Variants in TAFA5 observed in about 807,000 individuals in gnomAD.
TAFA5 encodes the protein TAFA chemokine like family member 5, also known as chemokine-like protein TAFA-5.
Under a neutral mutation model 15.3 loss-of-function variants are expected in TAFA5, and 6 were observed. The observed-to-expected ratio is 0.39, with a 90% confidence interval of 0.21 to 0.77. TAFA5 has a LOEUF of 0.77. Ranked by LOEUF, TAFA5 falls within the 30% of genes least tolerant of loss-of-function variation. The pLI is 0.41. For synonymous variants in TAFA5, 103 were observed against 80.7 expected (o/e 1.28, Z -1.48); for missense variants, 161 against 193.1 (o/e 0.83, Z 0.98).
intron 3 of TAFA5, among the ~76,000 whole-genome samples, chr22:48,715,420 C>A (rs560786386): frequency 6.6e-6 from 1 of 151,722 alleles, no homozygotes; most frequent in South Asian, 2.1e-4. Flanking sequence ...TCAGAGACAG[C>A]GGACATGCAT....
At position 48,751,374 on chromosome 22, in the gene TAFA5, T is replaced by G. The variant is rs1010609912; in HGVS notation, c.*1527T>G. The stretch of plus-strand genomic sequence containing the variant: ...CCGAGGAATAAGCGACAATTCTGGT[T>G]TTTCTCCCCTGGCCGTCGTTCGCCA... On this transcript the variant is annotated 3_prime_UTR_variant, in exon 4 of 4. Transcript: ENST00000402357. 1.3e-5 allele frequency: 2 copies of G among 152,582 alleles called. No individual in the cohort carries two copies. Among genetic ancestry groups the G allele is most frequent in the East Asian group, 3.9e-4 (2 of 5,182 alleles). The allele number at this position is 152,582 out of a possible 1,614,324, so 9.5% of individuals were successfully genotyped here.
At chr22:48,639,410 C>T (rs1171920789) in intron 1 of TAFA5, among the ~76,000 whole-genome samples, 1 of 152,236 alleles carries the variant, frequency 6.6e-6, no homozygotes, top group Non-Finnish European at 1.5e-5. Context: ...TTCATCCTGT[C>T]ATCCGTCACA....
intron 1 of TAFA5, among the ~76,000 whole-genome samples, chr22:48,629,468 C>T (rs1441790262): frequency 3.3e-5 from 5 of 152,248 alleles, no homozygotes; most frequent in Admixed American, 6.5e-5. Context: ...CCCCAACCCT[C>T]GCTGCTGCTG....
rs148316258 is a variant in TAFA5 at position 48,667,755 on chromosome 22, G to A, written c.262+21009G>A. 1.2e-3 allele frequency among the ~76,000 whole-genome samples: 170 copies of A among 139,554 alleles called. 19 individuals carry two copies. Among genetic ancestry groups the A allele is most frequent in the African/African-American group, 4.3e-3 (150 of 34,678 alleles). 91.6% of individuals were successfully genotyped at this position (139,554 alleles called of 152,430 possible). On this transcript the variant is annotated intron_variant, in intron 2 of 3. Transcript: ENST00000402357. ...GAGCGTTAATCCCCCAGCACTCAGG[G>A]CCGCGTCTTCACTGGGAGCTGTAAT...
At chr22:48,622,755 C>T (rs1925885659) in intron 1 of TAFA5, among the ~76,000 whole-genome samples, 3 of 152,258 alleles carry the variant, frequency 2.0e-5, no homozygotes, top group Admixed American at 2.0e-4. Context: ...GCTGCAGGCT[C>T]AGCTTGTGTG....
intron 2 of TAFA5, among the ~76,000 whole-genome samples, chr22:48,679,632 C>T (rs1259519578): frequency 1.2e-5 from 1 of 83,644 alleles, no homozygotes; most frequent in Admixed American, 1.2e-4. Context: ...TCTCCCGGCT[C>T]CCCGTCCATC....
chr22:48,739,481 G>A (rs1245873780), intron 3 of TAFA5, among the ~76,000 whole-genome samples: 1 of 152,130 alleles, frequency 6.6e-6, no homozygotes, highest in Non-Finnish European at 1.5e-5. Flanking sequence ...CATAGCGAAT[G>A]CCTGTGCACA....
intron 1 of TAFA5, among the ~76,000 whole-genome samples, chr22:48,512,884 C>T (rs910804562): frequency 6.8e-6 from 1 of 146,180 alleles, no homozygotes; most frequent in African/African-American, 2.5e-5. Flanking sequence ...GATTGTGCCA[C>T]TGCAGTCCAG....
chr22:48,610,747 C>T (rs1333176859), intron 1 of TAFA5, among the ~76,000 whole-genome samples: 2 of 152,154 alleles, frequency 1.3e-5, no homozygotes, highest in Non-Finnish European at 2.9e-5. Context: ...CAGAGAATCT[C>T]CATTAGCAAG....
At chr22:48,636,399 C>G (rs148562564) in intron 1 of TAFA5, among the ~76,000 whole-genome samples, 3 of 152,322 alleles carry the variant, frequency 2.0e-5, no homozygotes, top group Admixed American at 2.0e-4. Flanking sequence ...TTCACTGTAA[C>G]TTAAATATTG....
intron 1 of TAFA5, among the ~76,000 whole-genome samples, chr22:48,498,425 TTAA>T (rs977880793): frequency 3.3e-5 from 5 of 152,046 alleles, no homozygotes; most frequent in African/African-American, 9.7e-5. Context: ...AACAGTTTGA[TTAA>T]TAATAATAAT....
chr22:48,689,234 C>G (rs1367334814), intron 2 of TAFA5, among the ~76,000 whole-genome samples: 1 of 152,096 alleles, frequency 6.6e-6, no homozygotes, highest in Non-Finnish European at 1.5e-5. Context: ...GTCTGCACGC[C>G]GTATGCAGCG....
At chr22:48,569,040 G>T (rs749095801) in intron 1 of TAFA5, among the ~76,000 whole-genome samples, 4 of 152,240 alleles carry the variant, frequency 2.6e-5, no homozygotes, top group Non-Finnish European at 5.9e-5. Flanking sequence ...GGCAGGGCCG[G>T]GCTGTGAGCA....
chr22:48,699,228 C>T (rs1928826019), intron 2 of TAFA5, among the ~76,000 whole-genome samples: 1 of 152,138 alleles, frequency 6.6e-6, no homozygotes, highest in South Asian at 2.1e-4. Context: ...CCACCGTGCC[C>T]TGCTGACAAC....
At chr22:48,511,718 G>A (rs189069026) in intron 1 of TAFA5, among the ~76,000 whole-genome samples, 11 of 152,344 alleles carry the variant, frequency 7.2e-5, no homozygotes, top group African/African-American at 2.2e-4. Flanking sequence ...AGGCCCTGAC[G>A]CAGGCCCATC....
At chr22:48,526,784 G>A (rs927279006) in intron 1 of TAFA5, among the ~76,000 whole-genome samples, 15 of 152,202 alleles carry the variant, frequency 9.9e-5, no homozygotes, top group Admixed American at 4.6e-4. Flanking sequence ...ATTGGAAGAG[G>A]GGAATTAGTT....
chr22:48,558,861 G>A (rs1446221303), intron 1 of TAFA5, among the ~76,000 whole-genome samples: 1 of 152,234 alleles, frequency 6.6e-6, no homozygotes, highest in Non-Finnish European at 1.5e-5. Flanking sequence ...CCACCTCCTG[G>A]GCTTCACTTG....
At chr22:48,595,636 C>T (rs571136984) in intron 1 of TAFA5, among the ~76,000 whole-genome samples, 5 of 152,362 alleles carry the variant, frequency 3.3e-5, no homozygotes, top group African/African-American at 7.2e-5. Context: ...TGCTGCCACA[C>T]GCAGTGCAGC....
Position 48,749,848 on chromosome 22 carries a change from C to A in TAFA5, c.*1C>A, listed in dbSNP as rs1191756080. 1 of 1,559,750 alleles carries A rather than the reference C, an allele frequency of 6.4e-7. No individual in the cohort carries two copies. Among genetic ancestry groups the A allele is most frequent in the Non-Finnish European group, 8.7e-7 (1 of 1,151,152 alleles). On this transcript the variant is annotated 3_prime_UTR_variant, in exon 4 of 4. Transcript: ENST00000402357. ...TCTCTTTGCTCCTCAGGTCTCCTGA[C>A]AAACACAGCCCCTGAGGGGCCCCGG... is the stretch of plus-strand genomic sequence containing the variant.
Sources: allele counts gnomAD v4.1 joint callset (sites outside exome capture counted in the v4.1 genomes callset), GRCh38; gene constraint gnomAD v4.1.1; transcripts MANE v1.5; gene names NCBI Gene and HGNC (gene_info 2026-07-23, HGNC 2026-07-21).